The following PRSS55 variants were observed in gnomAD, a reference collection of about 807,000 sequenced individuals.
PRSS55 encodes probable serine protease UNQ9391/PRO34284.
Under a neutral mutation model 23.6 loss-of-function variants are expected in PRSS55, and 41 were observed. The ratio of observed to expected loss-of-function variants is 1.74; its 90% CI spans 1.35 to 2.26. The LOEUF (loss-of-function observed/expected upper bound fraction) is 2.26, where lower values mean the gene tolerates loss of function less well. PRSS55 is among the 30% of genes most tolerant of loss of function. The probability of loss-of-function intolerance (pLI) is 0.00; values close to 1 mark genes in which losing one functional copy is unlikely to be tolerated. For missense variants in PRSS55, 669 were observed against 439.1 expected (o/e 1.52, Z -4.68); for synonymous variants, 262 against 175.5 (o/e 1.49, Z -3.90).
chr8:10,526,683 G>A (rs1812035834), intron 1 of PRSS55, among the ~76,000 whole-genome samples: 1 of 152,208 alleles, frequency 6.6e-6, no homozygotes. Context: ...GACCAAGAAT[G>A]TGGGGGATGG....
chr8:10,546,137 G>C (rs1371587643), intron 4 of PRSS55, among the ~76,000 whole-genome samples: 2 of 152,152 alleles, frequency 1.3e-5, no homozygotes, highest in Non-Finnish European at 2.9e-5. Flanking sequence ...CCAGCTTCCA[G>C]AATGAAGCTG....
At chr8:10,539,142 G>C (rs1355596780), downstream of PRSS55, among the ~76,000 whole-genome samples, 1 of 152,040 alleles carries the variant, frequency 6.6e-6, no homozygotes, top group Non-Finnish European at 1.5e-5. Flanking sequence ...GGTGAAGGCA[G>C]TGACTGTTGT....
At chr8:10,544,353 T>A (rs958777153) in intron 4 of PRSS55, among the ~76,000 whole-genome samples, 2 of 152,124 alleles carry the variant, frequency 1.3e-5, no homozygotes, top group African/African-American at 4.8e-5. Context: ...TCTTTCATCA[T>A]TATCATTTGC....
downstream of PRSS55, chr8:10,540,237 T>C (rs1388287398): frequency 1.3e-5 from 2 of 152,306 alleles, no homozygotes; most frequent in Admixed American, 6.5e-5. Flanking sequence ...GAGAACGTGT[T>C]CCTGTCTTCC....
At chr8:10,542,592 A>G (rs112507533), downstream of PRSS55, among the ~76,000 whole-genome samples, 10,350 of 152,012 alleles carry the variant, frequency 0.068, 408 homozygotes, top group Middle Eastern at 0.12. Context: ...TGACCTGGAC[A>G]GGCACGGTGG....
intron 3 of PRSS55, among the ~76,000 whole-genome samples, chr8:10,532,129 G>A (rs986900439): frequency 8.5e-5 from 13 of 152,152 alleles, no homozygotes; most frequent in Admixed American, 5.2e-4. Context: ...AAAGCATTGC[G>A]TCAGCCTGAA....
At chr8:10,532,600 G>C (rs1021316566) in intron 3 of PRSS55, among the ~76,000 whole-genome samples, 2 of 152,246 alleles carry the variant, frequency 1.3e-5, no homozygotes, top group Non-Finnish European at 1.5e-5. Flanking sequence ...ATTATGCTGA[G>C]AAACAGTCAG....
At chr8:10,553,756 C>T (rs4591993) in intron 4 of PRSS55, among the ~76,000 whole-genome samples, 120,833 of 152,138 alleles carry the variant, frequency 0.79, 48,891 homozygotes, top group East Asian at 1. Flanking sequence ...TATTATAGAC[C>T]GGAAAATTGC....
At chr8:10,535,885 C>T (rs1034763901) in intron 4 of PRSS55, among the ~76,000 whole-genome samples, 6 of 152,150 alleles carry the variant, frequency 3.9e-5, no homozygotes, top group Admixed American at 2.0e-4. Flanking sequence ...TAAACAACCT[C>T]ATTAAAAAAT....
downstream of PRSS55, among the ~76,000 whole-genome samples, chr8:10,539,752 C>T (rs1310204314): frequency 6.6e-6 from 1 of 152,218 alleles, no homozygotes; most frequent in Non-Finnish European, 1.5e-5. Flanking sequence ...TTGCCTTCCA[C>T]CATGATTGTG....
downstream of PRSS55, chr8:10,540,209 A>G (rs1453399661): frequency 2.0e-5 from 3 of 152,326 alleles, no homozygotes; most frequent in African/African-American, 7.2e-5. Context: ...GCGGACCACA[A>G]TTCACAAGAA....
At chr8:10,538,855 A>C, downstream of PRSS55, 1 of 1,457,382 alleles carries the variant, frequency 6.9e-7, no homozygotes. Context: ...TCTCCAGCAG[A>C]GGCTCTGTCT....
chr8:10,542,420 A>AATT (rs1166442336), downstream of PRSS55, among the ~76,000 whole-genome samples: 9,982 of 36,830 alleles, frequency 0.27, 450 homozygotes, highest in Middle Eastern at 0.33. Context: ...CATGCGGGGG[A>AATT]AAAAAAAAAA....
At chr8:10,550,761 T>A (rs555381579) in intron 4 of PRSS55, among the ~76,000 whole-genome samples, 19 of 152,352 alleles carry the variant, frequency 1.2e-4, no homozygotes, top group African/African-American at 4.6e-4. Context: ...TTCCATTCGA[T>A]ACCTGTGTTA....
In PRSS55 at chr8:10,525,891, TG is replaced by T. The variant is rs1479842704; in HGVS notation, c.154+154del. On this transcript the variant is annotated intron_variant, in intron 1 of 4. Coordinates refer to ENST00000328655, the MANE Select transcript of PRSS55 (RefSeq NM_198464.4). The stretch of plus-strand genomic sequence containing the variant: ...CTTGTCCTTTCTCTCCTCTCTCCCC[TG>T]GCCCAGTGTTTGACTTGTCTAACCC... The T allele has an allele frequency of 3.4e-6, 3 of 871,764 alleles. No homozygotes were observed. In the African/African-American group the frequency reaches 5.1e-5, roughly 15 times the overall value. The allele number at this position is 871,764 out of a possible 1,614,324, so 54.0% of individuals were successfully genotyped here. A position where few individuals can be genotyped will look rare whatever the true frequency, so the allele number is the denominator to read the frequency against.
At chr8:10,540,189 C>G (rs1393585555), downstream of PRSS55, 1 of 152,472 alleles carries the variant, frequency 6.6e-6, no homozygotes, top group East Asian at 1.9e-4. Context: ...ACTGCACGGG[C>G]TGGTGTGGGG....
intron 4 of PRSS55, among the ~76,000 whole-genome samples, chr8:10,538,095 T>G (rs1005912862): frequency 4.6e-4 from 70 of 152,156 alleles, no homozygotes; most frequent in African/African-American, 1.7e-3. Flanking sequence ...ACATGTCCCA[T>G]TCCCTTTCCT....
At chr8:10,535,734 G>C (rs1038960714) in intron 4 of PRSS55, among the ~76,000 whole-genome samples, 5 of 152,110 alleles carry the variant, frequency 3.3e-5, no homozygotes, top group African/African-American at 1.2e-4. Flanking sequence ...AAACTAAAGA[G>C]CATCTGCACA....
chr8:10,535,043 A>T (rs1812408868), intron 4 of PRSS55, among the ~76,000 whole-genome samples: 1 of 152,210 alleles, frequency 6.6e-6, no homozygotes, highest in Non-Finnish European at 1.5e-5. Flanking sequence ...AAGAATTACA[A>T]AACATTACTG....
Sources: allele counts gnomAD v4.1 joint callset (sites outside exome capture counted in the v4.1 genomes callset), GRCh38; gene constraint gnomAD v4.1.1; transcripts MANE v1.5; gene names NCBI Gene and HGNC (gene_info 2026-07-23, HGNC 2026-07-21).